Variants in MED1 observed in about 807,000 individuals in gnomAD.
The protein encoded by MED1 is mediator of RNA polymerase II transcription subunit 1.
MED1 carries 17 observed loss-of-function variants against 121.3 expected under a neutral mutation model. The ratio of observed to expected loss-of-function variants is 0.14; its 90% CI spans 0.10 to 0.21. MED1 has a LOEUF of 0.21. Ranked by LOEUF, MED1 falls within the 10% of genes least tolerant of loss-of-function variation. The pLI, the probability that MED1 is intolerant of heterozygous loss-of-function variation, is 1.00. For missense variants in MED1, 1,558 were observed against 1,919.4 expected (o/e 0.81, Z 3.52); for synonymous variants, 661 against 694.4 (o/e 0.95, Z 0.76).
At chr17:39,413,269 T>C (rs549934316) in intron 16 of MED1, among the ~76,000 whole-genome samples, 2 of 152,132 alleles carry the variant, frequency 1.3e-5, no homozygotes, top group South Asian at 4.2e-4. Flanking sequence ...ATTTAGTTAG[T>C]TTGTTTGTTT....
Position 39,409,893 on chromosome 17 carries a change from GC to G in MED1, c.2327del (p.Gly776AlafsTer4), listed in dbSNP as rs1456256178. On this transcript the variant is annotated frameshift_variant, in exon 17 of 17. Coordinates refer to ENST00000300651, the MANE Select transcript of MED1 (RefSeq NM_004774.4). LOFTEE classifies it high-confidence loss of function. Reference sequence around the variant, plus strand: ...CTGAAAGGATGTCAGTTACATCTGGGCCAATGCTGTCTGAACTGGATAGTCG... The same window carrying G: ...CTGAAAGGATGTCAGTTACATCTGGGCAATGCTGTCTGAACTGGATAGTCG... ...MVRLSSSDSIGPDVTDILSDI... is the reference protein window; with the variant it reads ...MVRLSSSDSIXPDVTDILSDI... 1 of 1,614,124 alleles carries G rather than the reference GC, an allele frequency of 6.2e-7. No homozygotes were observed. The highest frequency in any genetic ancestry group is 8.5e-7 in the Non-Finnish European group (1 of 1,180,016).
Position 39,408,081 on chromosome 17 carries a change from C to T in MED1, c.4140G>A (p.Glu1380=), listed in dbSNP as rs763096681. The T allele has an allele frequency of 1.9e-6, 3 of 1,614,204 alleles. No individual in the cohort carries two copies. In the South Asian group the frequency reaches 3.3e-5, roughly 18 times the overall value. Reference sequence around the variant, plus strand: ...CACCTGTGCTCCCCACATTTTTTGACTCTGAGGTCTTCTTAGAAGAATCCA... The same window carrying T: ...CACCTGTGCTCCCCACATTTTTTGATTCTGAGGTCTTCTTAGAAGAATCCA... ...SSVDSSKKTS[E]SKNVGSTGVA... The change falls in exon 17 of 17, where the codon GAG becomes GAA. Residue 1380 remains glutamate, a synonymous_variant. Transcript: ENST00000300651. This position sits in a 1 kb window ranked among gnomAD's most constrained non-coding sequence, Gnocchi z 4.7.
chr17:39,442,998 T>TA, intron 3 of MED1, among the ~76,000 whole-genome samples: 6 of 135,710 alleles, frequency 4.4e-5, no homozygotes, highest in African/African-American at 1.7e-4. Flanking sequence ...CCAGGTATCT[T>TA]TTTTTTTTTT....
chr17:39,414,223 CAA>C (rs1256139704), intron 16 of MED1, among the ~76,000 whole-genome samples: 1 of 114,342 alleles, frequency 8.7e-6, no homozygotes, highest in African/African-American at 3.3e-5. Flanking sequence ...GACTCCATCT[CAA>C]AAAAAAAAAA....
At chr17:39,424,380 G>T (rs901485028) in intron 11 of MED1, among the ~76,000 whole-genome samples, 4 of 152,074 alleles carry the variant, frequency 2.6e-5, no homozygotes, top group Admixed American at 2.6e-4. Flanking sequence ...AAGATAAAAG[G>T]GGGCACTCAT....
At position 39,409,170 on chromosome 17, in the gene MED1, A is replaced by C; in HGVS notation, c.3051T>G (p.Thr1017=). The C allele has an allele frequency of 1.2e-6, 2 of 1,614,152 alleles. No individual in the cohort carries two copies. The highest frequency in any genetic ancestry group is 1.7e-6 in the Non-Finnish European group (2 of 1,180,036). Reference sequence around the variant, plus strand: ...AACTATGAGATGGAGACTTTCCCTCAGTGTCTGCCTTCTTCCGCTTTGGAG... The same window carrying C: ...AACTATGAGATGGAGACTTTCCCTCCGTGTCTGCCTTCTTCCGCTTTGGAG... ...DKPPKRKKAD[T]EGKSPSHSSS... is the part of the protein sequence containing the mutation. The change falls in exon 17 of 17, where the codon ACT becomes ACG. Residue 1017 remains threonine, a synonymous_variant. Coordinates refer to ENST00000300651, the MANE Select transcript of MED1 (RefSeq NM_004774.4).
At chr17:39,423,996 T>C (rs889887580) in intron 11 of MED1, among the ~76,000 whole-genome samples, 175 bp from the exon 12 acceptor site, 1 of 151,970 alleles carries the variant, frequency 6.6e-6, no homozygotes, top group Non-Finnish European at 1.5e-5. Flanking sequence ...GATTCTCCTA[T>C]CTCAGCTTCG....
At chr17:39,416,501 C>T (rs1213513847) in intron 14 of MED1, among the ~76,000 whole-genome samples, 1 of 152,140 alleles carries the variant, frequency 6.6e-6, no homozygotes, top group Non-Finnish European at 1.5e-5. Context: ...AAAAAGCATG[C>T]CTCTCTATAG....
Position 39,405,287 on chromosome 17 carries a change from T to C in MED1, c.*2188A>G, listed in dbSNP as rs2048294482. 6.2e-7 allele frequency: 1 copy of C among 1,605,338 alleles called. No individual in the cohort carries two copies. The highest frequency in any genetic ancestry group is 1.3e-5 in the African/African-American group (1 of 74,800). Reference sequence around the variant, plus strand: ...TTCAGGGGCTTATCCTTCATCCAGATCCTAACTCGGGATTCTTTGATCTGG... The same window carrying C: ...TTCAGGGGCTTATCCTTCATCCAGACCCTAACTCGGGATTCTTTGATCTGG... On this transcript the variant is annotated 3_prime_UTR_variant, in exon 17 of 17. Transcript: ENST00000300651.
intron 14 of MED1, 139 bp downstream of exon 14, chr17:39,419,578 G>C: frequency 1.3e-6 from 1 of 764,266 alleles, no homozygotes; most frequent in South Asian, 1.9e-5. Context: ...CAGCTAATTT[G>C]CTTGATTTTT....
In MED1 at chr17:39,406,495, G is replaced by A. The variant is rs954676841; in HGVS notation, c.*980C>T. Reference sequence around the variant, plus strand: ...GGTTTTCATGCCACTGGGTCAGGAAGGCTGTCCTACACTAAACCTTACTGC... The same window carrying A: ...GGTTTTCATGCCACTGGGTCAGGAAAGCTGTCCTACACTAAACCTTACTGC... On this transcript the variant is annotated 3_prime_UTR_variant, in exon 17 of 17. Coordinates refer to ENST00000300651, the MANE Select transcript of MED1 (RefSeq NM_004774.4). The A allele has an allele frequency of 4.1e-6, 4 of 985,262 alleles. No homozygotes were observed. The highest frequency in any genetic ancestry group is 3.5e-5 in the African/African-American group (2 of 57,168). 61.0% of individuals were successfully genotyped at this position (985,262 alleles called of 1,614,324 possible).
intron 2 of MED1, among the ~76,000 whole-genome samples, chr17:39,446,208 TGA>T: frequency 6.6e-6 from 1 of 151,816 alleles, no homozygotes; most frequent in African/African-American, 2.4e-5. Context: ...CCCAGCACTT[TGA>T]GAGGCCGAGA....
At position 39,405,457 on chromosome 17, in the gene MED1, A is replaced by C. The variant is rs62075012; in HGVS notation, c.*2018T>G. 3 of 1,392,190 alleles carry C rather than the reference A, an allele frequency of 2.2e-6. No homozygotes were observed. Among genetic ancestry groups the C allele is most frequent in the African/African-American group, 1.5e-5 (1 of 68,338 alleles). The allele number at this position is 1,392,190 out of a possible 1,614,324, so 86.2% of individuals were successfully genotyped here. On this transcript the variant is annotated 3_prime_UTR_variant, in exon 17 of 17. Coordinates refer to ENST00000300651, the MANE Select transcript of MED1 (RefSeq NM_004774.4). ...TCAGAACAAATTTTAAAAACCACATAAATTTTTTTTTTTTTCCTGCAGAAA... is the reference window on the plus strand; with the variant it reads ...TCAGAACAAATTTTAAAAACCACATCAATTTTTTTTTTTTTCCTGCAGAAA...
Position 39,408,953 on chromosome 17 carries a change from A to T in MED1, c.3268T>A (p.Ser1090Thr), listed in dbSNP as rs764666013. The T allele has an allele frequency of 1.2e-6, 2 of 1,614,206 alleles. No individual in the cohort carries two copies. The highest frequency in any genetic ancestry group is 1.7e-6 in the Non-Finnish European group (2 of 1,180,046). ...HSQYTSSGSV[S>T]SSGSKSHHSH... ...TGGTGGCTTTTGCTGCCTGAGGAAGACACAGAACCACTGCTGGTATACTGA... is the reference window on the plus strand; with the variant it reads ...TGGTGGCTTTTGCTGCCTGAGGAAGTCACAGAACCACTGCTGGTATACTGA... The change falls in exon 17 of 17, where the codon TCT (serine) becomes ACT (threonine). Residue 1090 changes from serine to threonine, a missense_variant. Physicochemically the swap from Ser to Thr is moderately conservative, Grantham distance 58. This residue lies in a region of MED1 where 793 missense variants were observed against 898.2 expected (regional missense o/e 0.88). Transcript: ENST00000300651. This position sits in a 1 kb window ranked among gnomAD's most constrained non-coding sequence, Gnocchi z 4.7.
chr17:39,444,086 C>T (rs1272735647), intron 2 of MED1, among the ~76,000 whole-genome samples: 2 of 152,164 alleles, frequency 1.3e-5, no homozygotes, highest in African/African-American at 4.8e-5. Flanking sequence ...GAAGTGACCA[C>T]ATGCTAAGAT....
At position 39,405,577 on chromosome 17, in the gene MED1, A is replaced by G; in HGVS notation, c.*1898T>C. 1 of 1,276,450 alleles carries G rather than the reference A, an allele frequency of 7.8e-7. No homozygotes were observed. Among genetic ancestry groups the G allele is most frequent in the Non-Finnish European group, 9.9e-7 (1 of 1,007,260 alleles). The allele number at this position is 1,276,450 out of a possible 1,614,324, so 79.1% of individuals were successfully genotyped here. A position where few individuals can be genotyped will look rare whatever the true frequency, so the allele number is the denominator to read the frequency against. ...GCTGCTACTGTATCAACATCACAAG[A>G]TAAAGCACTCTGGTATCACCTGCCC... On this transcript the variant is annotated 3_prime_UTR_variant, in exon 17 of 17. Transcript: ENST00000300651.
At position 39,409,517 on chromosome 17, in the gene MED1, C is replaced by G; in HGVS notation, c.2704G>C (p.Ala902Pro). Residue 902 changes from alanine to proline, a missense_variant, in exon 17 of 17, where the codon GCA becomes CCA. Ala to Pro is a conservative substitution (Grantham distance 27). Around this residue, in one of 5 missense-constraint regions of MED1, gnomAD observed 793 missense variants for 898.2 expected, o/e 0.88. Transcript: ENST00000300651. ...NDDFKGFASQ[A>P]LNTLGVPMLG... ...ATTGGCACCCCCAAAGTATTTAGTG[C>G]CTGAGATGCAAATCCTTTGAAATCA... 1 of 1,614,144 alleles carries G rather than the reference C, an allele frequency of 6.2e-7. No homozygotes were observed. The highest frequency in any genetic ancestry group is 8.5e-7 in the Non-Finnish European group (1 of 1,180,022).
Position 39,451,198 on chromosome 17 carries a change from T to G in MED1, c.-136A>C. ...CTACTCTTCCCGGGAAGGATCAATC[T>G]GAAGTCCCCGGCGGCAAGAAGAGAA... is the stretch of plus-strand genomic sequence containing the variant. On this transcript the variant is annotated 5_prime_UTR_variant, in exon 1 of 17. Coordinates refer to ENST00000300651, the MANE Select transcript of MED1 (RefSeq NM_004774.4). The G allele has an allele frequency of 1.0e-6, 1 of 977,600 alleles. No homozygotes were observed. The highest frequency in any genetic ancestry group is 1.5e-6 in the Non-Finnish European group (1 of 649,492). 60.6% of individuals were successfully genotyped at this position (977,600 alleles called of 1,614,324 possible).
intron 9 of MED1, among the ~76,000 whole-genome samples, chr17:39,430,570 G>A (rs2048556089): frequency 1.3e-5 from 2 of 151,850 alleles, no homozygotes; most frequent in South Asian, 4.1e-4. Context: ...GCGGGCGCCT[G>A]TAGTCCCAGC....
Sources: gnomAD v4.1 joint callset for allele counts (sites outside exome capture counted in the v4.1 genomes callset) on GRCh38, gnomAD v4.1.1 for gene constraint, gnomAD v4.1.1 regional missense constraint, Gnocchi (gnomAD v3.1) non-coding constraint, MANE v1.5 for transcripts, NCBI Gene and HGNC (gene_info 2026-07-23, HGNC 2026-07-21) for gene names.